Variants in ELK4 observed in about 807,000 individuals in gnomAD.
The protein encoded by ELK4 is ETS domain-containing protein Elk-4.
In ELK4, 16 loss-of-function variants were observed where a neutral mutation model predicts 29.6. The ratio of observed to expected loss-of-function variants is 0.54; its 90% CI spans 0.37 to 0.82. ELK4 has a LOEUF of 0.82. Ranked by LOEUF, ELK4 falls within the 40% of genes least tolerant of loss-of-function variation. The pLI is 0.00. For synonymous variants in ELK4, 213 were observed against 191.1 expected (o/e 1.11, Z -0.95); for missense variants, 465 against 507.1 (o/e 0.92, Z 0.80).
In ELK4 at chr1:205,615,241, A is replaced by T. The variant is rs2102374986; in HGVS notation, c.*1305T>A. On this transcript the variant is annotated 3_prime_UTR_variant, in exon 5 of 5. Transcript: ENST00000357992. The stretch of plus-strand genomic sequence containing the variant: ...CCCCGTCTCTACTAAAAATACAAAA[A>T]TTAGCCAGGCGTAGTGGCGCATGCC... The T allele has an allele frequency of 6.0e-6, 1 of 165,294 alleles. No homozygotes were observed. Among genetic ancestry groups the T allele is most frequent in the Admixed American group, 6.4e-5 (1 of 15,574 alleles). The allele number at this position is 165,294 out of a possible 1,614,324, so 10.2% of individuals were successfully genotyped here.
chr1:205,630,824 T>C (rs1670568040), intron 1 of ELK4, among the ~76,000 whole-genome samples: 1 of 152,186 alleles, frequency 6.6e-6, no homozygotes, highest in Admixed American at 6.5e-5. Flanking sequence ...AAGCACCAAG[T>C]TTTCCAAGCC....
rs1367516738 is a variant in ELK4 at position 205,616,640 on chromosome 1, G to A, written c.1202C>T (p.Pro401Leu). The A allele has an allele frequency of 6.2e-7, 1 of 1,611,826 alleles. No individual in the cohort carries two copies. Among genetic ancestry groups the A allele is most frequent in the Non-Finnish European group, 8.5e-7 (1 of 1,178,238 alleles). ...TGGCCCATGACTGTTCAGTACAGAA[G>A]GAAACTGAGAAAGAAAACAAAACAC... ...LQGANTLFQF[P>L]SVLNSHGPFT... Residue 401 changes from proline to leucine, a missense_variant, in exon 5 of 5, where the codon CCT (proline) becomes CTT (leucine). Transcript: ENST00000357992.
In ELK4 at chr1:205,631,858, C is replaced by T. The variant is rs1288870973; in HGVS notation, c.-236G>A. On this transcript the variant is annotated 5_prime_UTR_variant, in exon 1 of 5. Coordinates refer to ENST00000357992, the MANE Select transcript of ELK4 (RefSeq NM_001973.4). The stretch of plus-strand genomic sequence containing the variant: ...CCTGGCGCCCCGCCCTCCCCGCCCC[C>T]GCACGCGGCAGCGGCGGCGCGGGTC... 6.7e-6 allele frequency: 1 copy of T among 148,294 alleles called. No homozygotes were observed. Among genetic ancestry groups the T allele is most frequent in the Admixed American group, 6.7e-5 (1 of 14,910 alleles). 9.2% of individuals were successfully genotyped at this position (148,294 alleles called of 1,614,324 possible). A position where few individuals can be genotyped will look rare whatever the true frequency, so the allele number is the denominator to read the frequency against.
intron 1 of ELK4, among the ~76,000 whole-genome samples, chr1:205,624,227 T>G (rs1049934027): frequency 7.2e-5 from 11 of 152,166 alleles, no homozygotes; most frequent in African/African-American, 2.7e-4. Context: ...CCCTAAATTA[T>G]AGGAAAAAAC....
rs1055155221 is a variant in ELK4, at chr1:205,611,153, A to C, written c.*5393T>G. On this transcript the variant is annotated 3_prime_UTR_variant, in exon 5 of 5. Transcript: ENST00000357992. ...GTAAGTGTGGATGGCAGCACCTTAG[A>C]AATTGCTATTTTCTGGCAGGCTATC... 9.3e-6 allele frequency: 2 copies of C among 214,320 alleles called. No homozygotes were observed. Among genetic ancestry groups the C allele is most frequent in the Non-Finnish European group, 1.9e-5 (2 of 106,226 alleles). 13.3% of individuals were successfully genotyped at this position (214,320 alleles called of 1,614,324 possible). A position where few individuals can be genotyped will look rare whatever the true frequency, so the allele number is the denominator to read the frequency against.
chr1:205,622,075 G>A (rs1275459089), intron 2 of ELK4, among the ~76,000 whole-genome samples: 1 of 151,968 alleles, frequency 6.6e-6, no homozygotes, highest in Non-Finnish European at 1.5e-5. Context: ...TTAGCCAGGT[G>A]TGGTGGTGCA....
rs942575163 is a variant in ELK4 at position 205,625,693 on chromosome 1, T to G, written c.-9-1802A>C. On this transcript the variant is annotated intron_variant, in intron 1 of 4. Coordinates refer to ENST00000357992, the MANE Select transcript of ELK4 (RefSeq NM_001973.4). ...TGCTGCTGCTTCTTTTTTTTTTTTTTTGTGAGATGGAGTCCCACTCTGTCA... is the reference window on the plus strand; with the variant it reads ...TGCTGCTGCTTCTTTTTTTTTTTTTGTGTGAGATGGAGTCCCACTCTGTCA... The G allele has an allele frequency of 9.9e-5, 78 of 786,032 alleles. No individual in the cohort carries two copies. In the Admixed American group the frequency reaches 1.3e-3, roughly 13 times the overall value. The allele number at this position is 786,032 out of a possible 1,614,324, so 48.7% of individuals were successfully genotyped here.
Position 205,608,577 on chromosome 1 carries a change from AAAGGTGCTTTTAATACTTTG to A in ELK4, c.*7949_*7968del. 5.1e-6 allele frequency: 1 copy of A among 197,862 alleles called. No homozygotes were observed. 12.3% of individuals were successfully genotyped at this position (197,862 alleles called of 1,614,324 possible). A position where few individuals can be genotyped will look rare whatever the true frequency, so the allele number is the denominator to read the frequency against. On this transcript the variant is annotated 3_prime_UTR_variant, in exon 5 of 5. Coordinates refer to ENST00000357992, the MANE Select transcript of ELK4 (RefSeq NM_001973.4). The stretch of plus-strand genomic sequence containing the variant: ...TGCTTTTTTAGGAAAAAGAAAAAAA[AAAGGTGCTTTTAATACTTTG>A]AAGGTGCTTTTTAGGTCTCCCTAAT...
rs1458185620 is a variant in ELK4, at chr1:205,620,452, C to T, written c.594G>A (p.Lys198=). 2 of 1,614,088 alleles carry T rather than the reference C, an allele frequency of 1.2e-6. No homozygotes were observed. Among genetic ancestry groups the T allele is most frequent in the Non-Finnish European group, 1.7e-6 (2 of 1,180,020 alleles). The change falls in exon 3 of 5, where the codon AAG becomes AAA. Residue 198 remains lysine (K), a synonymous_variant. Coordinates refer to ENST00000357992, the MANE Select transcript of ELK4 (RefSeq NM_001973.4). ...TGGCAGCAACAGGTTCAACCGGTGG[C>T]TTTTTGGAAGGTGTCGTGACAAATT... is the stretch of plus-strand genomic sequence containing the variant. ...VIKFVTTPSK[K]PPVEPVAATI...
In ELK4 at chr1:205,620,392, T is replaced by C. The variant is rs1331966345; in HGVS notation, c.654A>G (p.Ser218=). 5 of 1,614,076 alleles carry C rather than the reference T, an allele frequency of 3.1e-6. No individual in the cohort carries two copies. In the Admixed American group the frequency reaches 6.7e-5, roughly 22 times the overall value. Residue 218 remains serine, a synonymous_variant, in exon 3 of 5, where the codon TCA becomes TCG. Transcript: ENST00000357992. The part of the protein sequence containing the change: ...ISIGPSISPS[S]EETIQALETL... ...TCTCCAAAGCTTGGATAGTTTCTTC[T>C]GAAGATGGAGAAATACTTGGGCCAA...
rs1670317246 is a variant in ELK4, at chr1:205,620,503, A to G, written c.543T>C (p.Pro181=). 6.2e-7 allele frequency: 1 copy of G among 1,613,912 alleles called. No homozygotes were observed. Among genetic ancestry groups the G allele is most frequent in the South Asian group, 1.1e-5 (1 of 91,072 alleles). ...TGATGACAGATGGTGTGGGCTCCTG[A>G]GGAGATTTTTTCTCTGCCAGTTTCT... ...PAEKLAEKKS[P]QEPTPSVIKF... Residue 181 remains proline, a synonymous_variant, in exon 3 of 5, where the codon CCT becomes CCC. Coordinates refer to ENST00000357992, the MANE Select transcript of ELK4 (RefSeq NM_001973.4).
chr1:205,608,524 A>G lies in ELK4; in HGVS notation c.*8022T>C, dbSNP rs912179808. The G allele has an allele frequency of 2.0e-5, 4 of 198,278 alleles. No homozygotes were observed. Among genetic ancestry groups the G allele is most frequent in the African/African-American group, 9.2e-5 (4 of 43,454 alleles). The allele number at this position is 198,278 out of a possible 1,614,324, so 12.3% of individuals were successfully genotyped here. ...TGTTTCATCAACTAACATGAAGTTT[A>G]ATAAATGTTAGCAGTGACCATTTTA... On this transcript the variant is annotated 3_prime_UTR_variant, in exon 5 of 5. Coordinates refer to ENST00000357992, the MANE Select transcript of ELK4 (RefSeq NM_001973.4).
chr1:205,619,651 T>C, intron 3 of ELK4: 1 of 1,366,756 alleles, frequency 7.3e-7, no homozygotes, highest in Non-Finnish European at 9.4e-7. Context: ...GTTTGTTTTA[T>C]AAGACACCAA....
At chr1:205,618,873 A>C in intron 4 of ELK4, 84 bp downstream of exon 4, 1 of 1,014,868 alleles carries the variant, frequency 9.9e-7, no homozygotes, top group Middle Eastern at 2.5e-4. Context: ...ATAATGATTA[A>C]ACTGAATAGT....
At chr1:205,623,998 A>G in intron 1 of ELK4, 107 bp from the exon 2 acceptor site, 1 of 1,011,520 alleles carries the variant, frequency 9.9e-7, no homozygotes, top group South Asian at 1.5e-5. Context: ...ATTCATCCCC[A>G]CATTTCTATA....
At position 205,620,467 on chromosome 1, in the gene ELK4, C is replaced by T. The variant is rs775324649; in HGVS notation, c.579G>A (p.Thr193=). The part of the protein sequence containing the change: ...EPTPSVIKFV[T]TPSKKPPVEP... ...CAACCGGTGGCTTTTTGGAAGGTGT[C>T]GTGACAAATTTGATGACAGATGGTG... Residue 193 remains threonine, a synonymous_variant, in exon 3 of 5, where the codon ACG becomes ACA. Coordinates refer to ENST00000357992, the MANE Select transcript of ELK4 (RefSeq NM_001973.4). 37 of 1,613,872 alleles carry T rather than the reference C, an allele frequency of 2.3e-5. No individual in the cohort carries two copies. Among genetic ancestry groups the T allele is most frequent in the Middle Eastern group, 1.6e-4 (1 of 6,084 alleles).
intron 1 of ELK4, among the ~76,000 whole-genome samples, chr1:205,629,779 T>G (rs1430189981): frequency 1.3e-5 from 2 of 151,614 alleles, no homozygotes; most frequent in African/African-American, 4.9e-5. Context: ...TTATTAAAAA[T>G]TATGTGGTTG....
chr1:205,616,803 C>T (rs1670238249), intron 4 of ELK4, among the ~76,000 whole-genome samples, 159 bp from the exon 5 acceptor site: 1 of 152,170 alleles, frequency 6.6e-6, no homozygotes. Flanking sequence ...GATGTCATAA[C>T]AAAAACTAGA....
At chr1:205,626,075 G>C in intron 1 of ELK4, 1 of 1,078,140 alleles carries the variant, frequency 9.3e-7, no homozygotes, top group Non-Finnish European at 1.4e-6. Flanking sequence ...GTGCCACAAT[G>C]GGTCAGCTCT....
Sources: gnomAD v4.1 joint callset for allele counts (sites outside exome capture counted in the v4.1 genomes callset) on GRCh38, gnomAD v4.1.1 for gene constraint, MANE v1.5 for transcripts, NCBI Gene and HGNC (gene_info 2026-07-23, HGNC 2026-07-21) for gene names.